The following DCHS2 variants were observed in gnomAD, a reference collection of about 807,000 sequenced individuals.
DCHS2 encodes the protein protocadherin-23.
DCHS2 carries 142 observed loss-of-function variants against 182.4 expected under a neutral mutation model. The ratio of observed to expected loss-of-function variants is 0.78; its 90% confidence interval spans 0.68 to 0.89. The LOEUF (loss-of-function observed/expected upper bound fraction) is 0.89, where lower values mean the gene tolerates loss of function less well. Ranked by LOEUF, DCHS2 falls within the 40% of genes least tolerant of loss-of-function variation. The pLI is 0.00. For synonymous variants in DCHS2, 1,740 were observed against 1,663.3 expected (o/e 1.05, Z -1.12); for missense variants, 4,319 against 4,198.6 (o/e 1.03, Z -0.79).
intron 1 of DCHS2, among the ~76,000 whole-genome samples, chr4:154,442,538 C>G (rs1197489545): frequency 2.3e-5 from 2 of 85,534 alleles, no homozygotes; most frequent in South Asian, 8.0e-4. Context: ...CACCCCCCCC[C>G]CCCCACACAC....
rs78508635 is a variant in DCHS2, at chr4:154,264,672, C to T, written c.6578-4916G>A. ...TAAAATAACTGTGAATCTAGAATTA[C>T]AAGACCAGCAAAAGTATTTTAAAAG... On this transcript the variant is annotated intron_variant, in intron 14 of 19. Transcript: ENST00000357232. 4.2e-3 allele frequency among the ~76,000 whole-genome samples: 636 copies of T among 152,200 alleles called. 9 individuals carry two copies. The highest frequency in any genetic ancestry group is 0.037 in the East Asian group (192 of 5,172).
chr4:154,441,505 T>C (rs77508906), intron 1 of DCHS2, among the ~76,000 whole-genome samples: 2,634 of 152,260 alleles, frequency 0.017, 63 homozygotes, highest in African/African-American at 0.06. Flanking sequence ...GGTAAAGCTC[T>C]TTGTATTTGC....
intron 12 of DCHS2, among the ~76,000 whole-genome samples, chr4:154,302,932 C>T (rs1470086039): frequency 1.2e-4 from 11 of 93,908 alleles, no homozygotes; most frequent in African/African-American, 1.7e-4. Flanking sequence ...AATAGATATA[C>T]GTATACACAC....
chr4:154,360,078 C>T (rs184976048), intron 3 of DCHS2, among the ~76,000 whole-genome samples: 164 of 151,940 alleles, frequency 1.1e-3, no homozygotes, highest in African/African-American at 3.5e-3. Context: ...GAGTAAGTCA[C>T]TAAGAATTTT....
At chr4:154,449,559 G>T (rs1195004303) in intron 1 of DCHS2, among the ~76,000 whole-genome samples, 2 of 151,992 alleles carry the variant, frequency 1.3e-5, no homozygotes, top group Non-Finnish European at 2.9e-5. Context: ...TTTTTGTAGA[G>T]ATGAGGTTTC....
At chr4:154,252,125 C>A (rs558444807) in intron 16 of DCHS2, among the ~76,000 whole-genome samples, 1 of 151,652 alleles carries the variant, frequency 6.6e-6, no homozygotes, top group African/African-American at 2.4e-5. Context: ...TTAAATTGCC[C>A]AAGTCTTGGA....
intron 13 of DCHS2, among the ~76,000 whole-genome samples, chr4:154,276,432 G>C (rs1301862128): frequency 1.3e-5 from 2 of 152,124 alleles, no homozygotes; most frequent in Admixed American, 6.6e-5. Flanking sequence ...CTATATGACT[G>C]TAAAAATCAA....
intron 1 of DCHS2, among the ~76,000 whole-genome samples, chr4:154,461,003 G>A (rs1165352196): frequency 6.6e-6 from 1 of 152,110 alleles, no homozygotes; most frequent in Non-Finnish European, 1.5e-5. Flanking sequence ...GCTCAAATGT[G>A]TTTAAAAGGA....
At chr4:154,440,308 A>C (rs77784119) in intron 1 of DCHS2, among the ~76,000 whole-genome samples, 2,640 of 152,292 alleles carry the variant, frequency 0.017, 63 homozygotes, top group African/African-American at 0.06. Flanking sequence ...TAGCAAACAA[A>C]TGAAACTGTA....
At chr4:154,438,273 C>T (rs1285986783) in intron 1 of DCHS2, among the ~76,000 whole-genome samples, 1 of 152,138 alleles carries the variant, frequency 6.6e-6, no homozygotes, top group African/African-American at 2.4e-5. Flanking sequence ...TAATAAAGAG[C>T]TTGGAAGGCT....
intron 1 of DCHS2, among the ~76,000 whole-genome samples, chr4:154,465,165 A>G (rs1044938691): frequency 1.3e-5 from 2 of 152,162 alleles, no homozygotes; most frequent in Admixed American, 1.3e-4. Flanking sequence ...AGGACTTCCA[A>G]CAGGCTGCAA....
chr4:154,298,048 T>C lies in DCHS2; in HGVS notation c.6266A>G (p.Tyr2089Cys). ...ETQSMFSIDK[Y>C]TGEIQFQQNP... ...TTGCTGAAATTGAATTTCTCCTGTGTATTTATCAATAGAAAACATTGACTG... is the reference window on the plus strand; with the variant it reads ...TTGCTGAAATTGAATTTCTCCTGTGCATTTATCAATAGAAAACATTGACTG... The change falls in exon 13 of 20, where the codon TAC becomes TGC. Residue 2089 changes from tyrosine (Y) to cysteine (C), a missense_variant. Coordinates refer to ENST00000357232, the MANE Select transcript of DCHS2 (RefSeq NM_001358235.2). 1.2e-6 allele frequency: 2 copies of C among 1,614,154 alleles called. No individual in the cohort carries two copies. The highest frequency in any genetic ancestry group is 1.7e-6 in the Non-Finnish European group (2 of 1,180,016).
chr4:154,449,748 TTAAAA>T (rs1441717196), intron 1 of DCHS2, among the ~76,000 whole-genome samples: 1 of 152,232 alleles, frequency 6.6e-6, no homozygotes, highest in Non-Finnish European at 1.5e-5. Flanking sequence ...TTTTATATTG[TTAAAA>T]TAATAATGCA....
intron 10 of DCHS2, among the ~76,000 whole-genome samples, chr4:154,307,850 C>G (rs541447919): frequency 2.2e-4 from 34 of 152,280 alleles, no homozygotes; most frequent in African/African-American, 8.2e-4. Flanking sequence ...TCACAGATCA[C>G]TTCCCTTTCC....
intron 1 of DCHS2, among the ~76,000 whole-genome samples, chr4:154,460,832 T>A (rs372861017): frequency 6.6e-6 from 1 of 152,344 alleles, no homozygotes; most frequent in East Asian, 1.9e-4. Flanking sequence ...GTTGCTGATC[T>A]ATATATTATT....
Position 154,329,701 on chromosome 4 carries a change from AT to A in DCHS2, c.3739del (p.Ile1247SerfsTer16). 8 of 1,611,898 alleles carry A rather than the reference AT, an allele frequency of 5.0e-6. No individual in the cohort carries two copies. Among genetic ancestry groups the A allele is most frequent in the Non-Finnish European group, 5.9e-6 (7 of 1,179,752 alleles). On this transcript the variant is annotated frameshift_variant, in exon 6 of 20. Transcript: ENST00000357232. LOFTEE classifies it high-confidence loss of function. Reference protein sequence around the residue: ...FKMNPNTGELINWVALDREHR... With the variant: ...FKMNPNTGELXNWVALDREHR... ...CTCACGATCCAGTGCCACCCAATTG[AT>A]TAACTCTCCTGCAGAGTACAGAGCA...
chr4:154,490,060 C>T lies in DCHS2; in HGVS notation c.1296G>A (p.Pro432=), dbSNP rs546617253. The change falls in exon 1 of 20, where the codon CCG becomes CCA. Residue 432 remains proline, a synonymous_variant. Coordinates refer to ENST00000357232, the MANE Select transcript of DCHS2 (RefSeq NM_001358235.2). ...CCGAGACGCGAGCCACGTAGTCGCC[C>T]GGTCGGGCGCCTTCAGAGACACGGG... ...GVARVSEGAR[P]GDYVARVSVS... 6.5e-7 allele frequency: 1 copy of T among 1,549,102 alleles called. No homozygotes were observed. Among genetic ancestry groups the T allele is most frequent in the Admixed American group, 2.0e-5 (1 of 50,988 alleles).
intron 3 of DCHS2, among the ~76,000 whole-genome samples, chr4:154,344,162 A>T (rs1474460229): frequency 6.6e-6 from 1 of 152,192 alleles, no homozygotes; most frequent in East Asian, 1.9e-4. Context: ...AAACAATTAC[A>T]ATAATAATAT....
rs558729893 is a variant in DCHS2 at position 154,411,467 on chromosome 4, C to T, written c.2053-34023G>A. On this transcript the variant is annotated intron_variant, in intron 1 of 19. Transcript: ENST00000357232. ...CAAAAATTAGCCAGGTGTGGTGGCGCGTGCCTGTAGTCCCAGCTACTCGGG... is the reference window on the plus strand; with the variant it reads ...CAAAAATTAGCCAGGTGTGGTGGCGTGTGCCTGTAGTCCCAGCTACTCGGG... Among the ~76,000 whole-genome samples the T allele has an allele frequency of 6.2e-4, 94 of 151,902 alleles. 1 individual carries two copies. The highest frequency in any genetic ancestry group is 3.3e-3 in the South Asian group (16 of 4,812).
Sources: allele counts gnomAD v4.1 joint callset (sites outside exome capture counted in the v4.1 genomes callset), GRCh38; gene constraint gnomAD v4.1.1; transcripts MANE v1.5; gene names NCBI Gene and HGNC (gene_info 2026-07-23, HGNC 2026-07-21).